The following EXOC3L2 variants were observed in gnomAD, a reference collection of about 807,000 sequenced individuals.
The protein encoded by EXOC3L2 is exocyst complex component 3-like protein 2.
EXOC3L2 carries 17 observed loss-of-function variants against 44.4 expected under a neutral mutation model. The observed-to-expected ratio is 0.38, with a 90% CI of 0.26 to 0.57. The LOEUF (loss-of-function observed/expected upper bound fraction) is 0.57, where lower values mean the gene tolerates loss of function less well. EXOC3L2 is among the 20% of genes least tolerant of loss of function. The pLI is 0.65. For missense variants in EXOC3L2, 541 were observed against 588.4 expected (o/e 0.92, Z 0.83); for synonymous variants, 256 against 253.7 (o/e 1.01, Z -0.09).
intron 4 of EXOC3L2, among the ~76,000 whole-genome samples, chr19:45,228,830 G>C (rs1172591043): frequency 6.6e-6 from 1 of 151,030 alleles, no homozygotes; most frequent in Non-Finnish European, 1.5e-5. Flanking sequence ...CCAGCACTTT[G>C]GGAGGTCGAG....
chr19:45,236,732 C>T (rs1970087534), intron 2 of EXOC3L2, among the ~76,000 whole-genome samples: 1 of 152,014 alleles, frequency 6.6e-6, no homozygotes. Flanking sequence ...TGCGGTGACT[C>T]ATGCTTGTAA....
intron 10 of EXOC3L2, 86 bp from the exon 11 acceptor site, chr19:45,216,280 T>G: frequency 1.1e-5 from 17 of 1,513,076 alleles, no homozygotes; most frequent in Non-Finnish European, 1.3e-5. Flanking sequence ...ATACCATCTC[T>G]AAAATGTAGC....
At chr19:45,222,392 G>T (rs1568480783) in intron 8 of EXOC3L2, among the ~76,000 whole-genome samples, 1 of 151,964 alleles carries the variant, frequency 6.6e-6, no homozygotes, top group Non-Finnish European at 1.5e-5. Flanking sequence ...GTAGAGACGG[G>T]GTTTCACCAT....
At chr19:45,217,364 A>C (rs1181247373) in intron 10 of EXOC3L2, among the ~76,000 whole-genome samples, 164 bp downstream of exon 10, 5 of 152,214 alleles carry the variant, frequency 3.3e-5, no homozygotes, top group African/African-American at 4.8e-5. Flanking sequence ...TTTTAAGTGC[A>C]AAGGGTGTCG....
intron 1 of EXOC3L2, among the ~76,000 whole-genome samples, chr19:45,241,403 G>C (rs985597637): frequency 6.6e-6 from 1 of 151,442 alleles, no homozygotes; most frequent in Non-Finnish European, 1.5e-5. Context: ...GCATGAACGC[G>C]GAAGGCGGAG....
At chr19:45,218,467 A>G in intron 8 of EXOC3L2, 148 bp from the exon 9 acceptor site, 1 of 1,126,606 alleles carries the variant, frequency 8.9e-7, no homozygotes, top group Non-Finnish European at 1.2e-6. Flanking sequence ...CAGCCCTGGC[A>G]TCCTTGGACT....
chr19:45,230,207 A>G (rs1970015853), intron 4 of EXOC3L2, among the ~76,000 whole-genome samples: 2 of 151,604 alleles, frequency 1.3e-5, no homozygotes, highest in South Asian at 4.2e-4. Context: ...TGTTTTACAA[A>G]ACATTTTTGT....
chr19:45,224,351 G>T (rs1277038417), intron 8 of EXOC3L2, among the ~76,000 whole-genome samples: 2 of 152,036 alleles, frequency 1.3e-5, no homozygotes, highest in Non-Finnish European at 2.9e-5. Flanking sequence ...TATAACATGG[G>T]TTGAGCTTGT....
intron 8 of EXOC3L2, among the ~76,000 whole-genome samples, chr19:45,222,060 ACATGCACACT>A (rs764071347): frequency 4.0e-5 from 6 of 151,874 alleles, no homozygotes; most frequent in African/African-American, 7.3e-5. Context: ...GCTCACATAC[ACATGCACACT>A]CATGCACACG....
In EXOC3L2 at chr19:45,224,877, TG is replaced by T; in HGVS notation, c.1619del (p.Pro540GlnfsTer17). On this transcript the variant is annotated frameshift_variant, in exon 8 of 12. Coordinates refer to ENST00000413988, the MANE Select transcript of EXOC3L2 (RefSeq NM_001382422.1). LOFTEE classifies it high-confidence loss of function. ...ATGCTTCCCGGGCCGGCTCGCTTTC[TG>T]GGGGCCCCACCCGGGCCAGGCGCTC... ...LAERLARVGP[P>X]ESEPAREASA... 6.4e-7 allele frequency: 1 copy of T among 1,571,362 alleles called. No homozygotes were observed. The highest frequency in any genetic ancestry group is 8.6e-7 in the Non-Finnish European group (1 of 1,156,760).
rs933073746 is a variant in EXOC3L2, at chr19:45,234,346, G to T, written c.1004C>A (p.Ala335Glu). 1 of 360,076 alleles carries T rather than the reference G, an allele frequency of 2.8e-6. No homozygotes were observed. Among genetic ancestry groups the T allele is most frequent in the South Asian group, 1.3e-4 (1 of 7,586 alleles). 22.3% of individuals were successfully genotyped at this position (360,076 alleles called of 1,614,324 possible). Residue 335 changes from alanine to glutamate, a missense_variant, in exon 3 of 12, where the codon GCG becomes GAG. Coordinates refer to ENST00000413988, the MANE Select transcript of EXOC3L2 (RefSeq NM_001382422.1). This position sits in a 1 kb window ranked among gnomAD's most constrained non-coding sequence, Gnocchi z 5.0. Reference sequence around the variant, plus strand: ...GCCCAGGCCGGCGGGGTAGGCGGGCGCCAGGCGGCCCCGCACCACGGCCAT... The same window carrying T: ...GCCCAGGCCGGCGGGGTAGGCGGGCTCCAGGCGGCCCCGCACCACGGCCAT... ...EDMAVVRGRL[A>E]PAYPAGLGAF...
intron 7 of EXOC3L2, among the ~76,000 whole-genome samples, chr19:45,225,469 C>A (rs533575251): frequency 5.3e-5 from 8 of 151,922 alleles, no homozygotes; most frequent in African/African-American, 1.9e-4. Flanking sequence ...GGGGTTTCAC[C>A]GTGTTAGCCA....
chr19:45,239,562 C>G (rs1363224936), intron 1 of EXOC3L2, among the ~76,000 whole-genome samples: 2 of 149,840 alleles, frequency 1.3e-5, no homozygotes, highest in Non-Finnish European at 1.5e-5. Context: ...ACTCTGTCAC[C>G]CAGGCTGGAG....
At chr19:45,215,521 A>G (rs898620741) in intron 11 of EXOC3L2, among the ~76,000 whole-genome samples, 1 of 152,218 alleles carries the variant, frequency 6.6e-6, no homozygotes, top group Non-Finnish European at 1.5e-5. Flanking sequence ...TAGGTCTGAA[A>G]TAAGAACTCA....
chr19:45,214,441 C>T (rs1297442457), intron 11 of EXOC3L2, among the ~76,000 whole-genome samples: 3 of 151,210 alleles, frequency 2.0e-5, no homozygotes, highest in African/African-American at 4.9e-5. Flanking sequence ...TGATCTGGTA[C>T]ACTAGTTTTT....
intron 7 of EXOC3L2, among the ~76,000 whole-genome samples, chr19:45,226,521 C>G (rs1969962232): frequency 1.3e-5 from 2 of 152,052 alleles, no homozygotes; most frequent in African/African-American, 2.4e-5. Context: ...ACTGCAACCT[C>G]CACCTCCCAG....
At chr19:45,214,422 G>A (rs1969811956) in intron 11 of EXOC3L2, among the ~76,000 whole-genome samples, 1 of 152,144 alleles carries the variant, frequency 6.6e-6, no homozygotes, top group Admixed American at 6.6e-5. Flanking sequence ...ACATGGTGGT[G>A]TGGTGTGCTG....
At chr19:45,215,962 A>G in intron 11 of EXOC3L2, 111 bp downstream of exon 11, 1 of 1,471,344 alleles carries the variant, frequency 6.8e-7, no homozygotes, top group Non-Finnish European at 9.1e-7. Flanking sequence ...GCCGTCAGAC[A>G]CGCTCACCGG....
Position 45,238,774 on chromosome 19 carries a change from C to T in EXOC3L2, c.272G>A (p.Arg91His), listed in dbSNP as rs973710005. The part of the protein sequence containing the change: ...GDGQPRSFLG[R>H]VLVPGIRRSS... The stretch of plus-strand genomic sequence containing the variant: ...CCTGCGTATCCCTGGTACCAGCACA[C>T]GGCCCAAGAAAGAGCGGGGCTGCCC... The change falls in exon 2 of 12, where the codon CGT (arginine) becomes CAT (histidine). Residue 91 changes from arginine (R) to histidine (H), a missense_variant. Arg to His is a conservative substitution (Grantham distance 29). Transcript: ENST00000413988. This position sits in a 1 kb window ranked among gnomAD's most constrained non-coding sequence, Gnocchi z 5.5. 3.3e-5 allele frequency: 13 copies of T among 398,764 alleles called. No homozygotes were observed. The South Asian group carries it at 3.8e-4, about 12-fold the overall frequency. 24.7% of individuals were successfully genotyped at this position (398,764 alleles called of 1,614,324 possible). A position where few individuals can be genotyped will look rare whatever the true frequency, so the allele number is the denominator to read the frequency against.
Sources: allele counts gnomAD v4.1 joint callset (sites outside exome capture counted in the v4.1 genomes callset), GRCh38; gene constraint gnomAD v4.1.1; non-coding constraint Gnocchi (gnomAD v3.1); transcripts MANE v1.5; gene names NCBI Gene and HGNC (gene_info 2026-07-23, HGNC 2026-07-21).